AGO2: variants seen among roughly 807,000 people sequenced by gnomAD.
The protein encoded by AGO2 is protein argonaute-2.
In AGO2, 5 loss-of-function variants were observed where a neutral mutation model predicts 102.3. The observed-to-expected ratio is 0.05, with a 90% CI of 0.03 to 0.10. The LOEUF is 0.10. AGO2 is among the 10% of genes least tolerant of loss of function. The pLI is 1.00. For missense variants in AGO2, 541 were observed against 1,183.7 expected, an observed-to-expected ratio of 0.46 and a Z score of 7.97; for synonymous variants, 449 against 473.1, an observed-to-expected ratio of 0.95 and a Z score of 0.66.
chr8:140,610,816 AAC>A (rs1264226743), intron 1 of AGO2, among the ~76,000 whole-genome samples: 1 of 152,202 alleles, frequency 6.6e-6, no homozygotes, highest in African/African-American at 2.4e-5. Flanking sequence ...CTTTGAAAAA[AAC>A]ACACAGTCCC....
chr8:140,618,655 C>T (rs1018003576), intron 1 of AGO2, among the ~76,000 whole-genome samples: 1 of 152,016 alleles, frequency 6.6e-6, no homozygotes, highest in African/African-American at 2.4e-5. Context: ...TGGTGAAAAC[C>T]CGTCTCTACA....
Position 140,559,491 on chromosome 8 carries a change from C to T in AGO2, c.694G>A (p.Glu232Lys), listed in dbSNP as rs534512549. Reference protein sequence around the residue: ...TAFYKAQPVIEFVCEVLDFKS... With the variant: ...TAFYKAQPVIKFVCEVLDFKS... Reference sequence around the variant, plus strand: ...AAATCCAAAACTTCACAAACAAACTCGATTACTGGCTGTGCCTTGTAAAAC... The same window carrying T: ...AAATCCAAAACTTCACAAACAAACTTGATTACTGGCTGTGCCTTGTAAAAC... Residue 232 changes from glutamate (E) to lysine (K), a missense_variant, in exon 6 of 19, where the codon GAG (glutamate) becomes AAG (lysine). Coordinates refer to ENST00000220592, the MANE Select transcript of AGO2 (RefSeq NM_012154.5). 1.2e-6 allele frequency: 2 copies of T among 1,614,242 alleles called. No homozygotes were observed. Among genetic ancestry groups the T allele is most frequent in the South Asian group, 1.1e-5 (1 of 91,078 alleles).
intron 2 of AGO2, among the ~76,000 whole-genome samples, chr8:140,577,207 C>CAAAAAAAAAAAAA (rs10661844): frequency 1.4e-4 from 10 of 70,722 alleles, no homozygotes; most frequent in African/African-American, 2.5e-4. Context: ...GACTCCATCT[C>CAAAAAAAAAAAAA]AAAAAAAAAA....
intron 1 of AGO2, among the ~76,000 whole-genome samples, chr8:140,617,235 C>T (rs1418984568): frequency 6.6e-6 from 1 of 152,150 alleles, no homozygotes; most frequent in Non-Finnish European, 1.5e-5. Flanking sequence ...CCTGTTCAAT[C>T]TCAGTGACCC....
At chr8:140,605,046 G>A (rs183449303) in intron 1 of AGO2, among the ~76,000 whole-genome samples, 71 of 152,214 alleles carry the variant, frequency 4.7e-4, no homozygotes, top group African/African-American at 1.2e-3. Context: ...TGGCTATGGC[G>A]GATACGTTAG....
intron 6 of AGO2, among the ~76,000 whole-genome samples, chr8:140,558,966 C>G (rs994505622): frequency 2.0e-5 from 3 of 152,148 alleles, no homozygotes; most frequent in African/African-American, 7.2e-5. Flanking sequence ...GCAGAAGGAC[C>G]CCGGGTAAGT....
At chr8:140,547,833 CCA>C (rs1001977508) in intron 12 of AGO2, among the ~76,000 whole-genome samples, 4 of 152,366 alleles carry the variant, frequency 2.6e-5, no homozygotes, top group African/African-American at 9.6e-5. Context: ...TCCTTGGAGT[CCA>C]GACTCCAGCA....
chr8:140,553,010 T>C (rs551912415), intron 10 of AGO2, among the ~76,000 whole-genome samples: 224 of 152,332 alleles, frequency 1.5e-3, no homozygotes, highest in African/African-American at 5.0e-3. Flanking sequence ...GCACTAACAA[T>C]GGACCAGGGG....
intron 3 of AGO2, among the ~76,000 whole-genome samples, chr8:140,565,817 C>G (rs893941494): frequency 6.6e-6 from 1 of 151,976 alleles, no homozygotes; most frequent in African/African-American, 2.4e-5. Context: ...CAGTGGTTCA[C>G]GCCTATAATC....
At chr8:140,609,983 T>C (rs1213955352) in intron 1 of AGO2, among the ~76,000 whole-genome samples, 2 of 146,892 alleles carry the variant, frequency 1.4e-5, no homozygotes, top group East Asian at 4.2e-4. Context: ...GGTTTGAGCC[T>C]GGGAATTCAA....
At chr8:140,546,948 CGGCGG>C in intron 13 of AGO2, among the ~76,000 whole-genome samples, 1 of 152,200 alleles carries the variant, frequency 6.6e-6, no homozygotes, top group Non-Finnish European at 1.5e-5. Flanking sequence ...CCCCCGTCCC[CGGCGG>C]TCAGCCCTGG....
At position 140,539,389 on chromosome 8, in the gene AGO2, G is replaced by A. The variant is rs141791241; in HGVS notation, c.2100C>T (p.Pro700=). The A allele has an allele frequency of 5.0e-6, 8 of 1,614,094 alleles. No individual in the cohort carries two copies. The highest frequency in any genetic ancestry group is 1.6e-4 in the Middle Eastern group (1 of 6,062). The change falls in exon 16 of 19, where the codon CCC becomes CCT. Residue 700 remains proline (P), a synonymous_variant. Transcript: ENST00000220592. The surrounding 1 kb of genome is among the most constrained non-coding windows in gnomAD (Gnocchi z 4.7). ...ACIKLEKDYQ[P]GITFIVVQKR... is the part of the protein sequence containing the mutation. Reference sequence around the variant, plus strand: ...TCTGCACCACGATGAAGGTGATCCCGGGCTGGTAGTCTTTTTCTAGCTTGA... The same window carrying A: ...TCTGCACCACGATGAAGGTGATCCCAGGCTGGTAGTCTTTTTCTAGCTTGA...
At chr8:140,629,926 C>G (rs28714220) in intron 1 of AGO2, among the ~76,000 whole-genome samples, 1 of 141,180 alleles carries the variant, frequency 7.1e-6, no homozygotes, top group South Asian at 2.3e-4. Flanking sequence ...GGGAGGGGAG[C>G]GGAGGGGAGA....
chr8:140,600,856 G>A (rs989467867), intron 1 of AGO2, among the ~76,000 whole-genome samples: 3 of 149,914 alleles, frequency 2.0e-5, no homozygotes, highest in Non-Finnish European at 4.5e-5. Flanking sequence ...TAGGATTGAC[G>A]GGGAGGTGGA....
chr8:140,569,522 C>T (rs1325162388), intron 3 of AGO2, among the ~76,000 whole-genome samples: 3 of 152,178 alleles, frequency 2.0e-5, no homozygotes, highest in Non-Finnish European at 4.4e-5. Flanking sequence ...TTCTGGCCAC[C>T]TTCCTAAATT....
intron 11 of AGO2, among the ~76,000 whole-genome samples, chr8:140,549,996 C>T (rs2072969095): frequency 6.6e-6 from 1 of 152,210 alleles, no homozygotes; most frequent in Non-Finnish European, 1.5e-5. Flanking sequence ...TACATTAGAT[C>T]AGGTCAAGAA....
intron 1 of AGO2, among the ~76,000 whole-genome samples, chr8:140,605,091 T>A (rs1363493601): frequency 6.6e-6 from 1 of 152,026 alleles, no homozygotes; most frequent in African/African-American, 2.4e-5. Context: ...TGAAAAAAAA[T>A]ACAAGTTTTT....
intron 1 of AGO2, among the ~76,000 whole-genome samples, chr8:140,624,268 G>GC (rs547537443): frequency 9.9e-5 from 15 of 152,072 alleles, no homozygotes; most frequent in Non-Finnish European, 2.1e-4. Flanking sequence ...GGCCAGCCTT[G>GC]CCCCCTGCCT....
At chr8:140,634,356 C>T (rs937120958) in intron 1 of AGO2, among the ~76,000 whole-genome samples, 7 of 152,272 alleles carry the variant, frequency 4.6e-5, no homozygotes, top group Non-Finnish European at 1.0e-4. Context: ...AGGGCAGCAT[C>T]GGGAATGCGA....
Sources: allele counts gnomAD v4.1 joint callset (sites outside exome capture counted in the v4.1 genomes callset), GRCh38; gene constraint gnomAD v4.1.1; non-coding constraint Gnocchi (gnomAD v3.1); transcripts MANE v1.5; gene names NCBI Gene and HGNC (gene_info 2026-07-23, HGNC 2026-07-21).